MYCBP2: variants seen among roughly 807,000 people sequenced by gnomAD.
MYCBP2 encodes MYC binding protein 2.
MYCBP2 carries 120 observed loss-of-function variants against 525.3 expected under a neutral mutation model. That is an observed-to-expected ratio of 0.23 (90% CI 0.20 to 0.27). The LOEUF (loss-of-function observed/expected upper bound fraction) is 0.27. Among genes scored for constraint, MYCBP2 ranks in the 10% least tolerant of loss-of-function variants. The probability of loss-of-function intolerance (pLI) is 1.00; values close to 1 mark genes in which losing one functional copy is unlikely to be tolerated. For missense variants in MYCBP2, 4,149 were observed against 5,657.1 expected, an observed-to-expected ratio of 0.73 and a Z score of 8.55; for synonymous variants, 1,894 against 1,955.8, an observed-to-expected ratio of 0.97 and a Z score of 0.83.
intron 52 of MYCBP2, among the ~76,000 whole-genome samples, chr13:77,138,404 T>A (rs1006159954): frequency 1.3e-5 from 2 of 152,212 alleles, no homozygotes; most frequent in Admixed American, 1.3e-4. Flanking sequence ...AATGGTTTGA[T>A]ACAATAAGCT....
intron 32 of MYCBP2, among the ~76,000 whole-genome samples, chr13:77,184,384 A>G (rs1169426247): frequency 1.3e-5 from 2 of 152,220 alleles, no homozygotes; most frequent in Non-Finnish European, 2.9e-5. Context: ...ATTTATTAAG[A>G]CATTTTATGG....
At chr13:77,279,550 T>A (rs550961720) in intron 3 of MYCBP2, among the ~76,000 whole-genome samples, 2 of 152,282 alleles carry the variant, frequency 1.3e-5, no homozygotes, top group South Asian at 2.1e-4. Flanking sequence ...AATGTCAACA[T>A]TCTGAGAACC....
chr13:77,049,861 C>G (rs551887222), intron 82 of MYCBP2, among the ~76,000 whole-genome samples: 9 of 152,158 alleles, frequency 5.9e-5, no homozygotes, highest in Non-Finnish European at 1.2e-4. Context: ...GTCTCGTACT[C>G]CTGACCTCAA....
intron 55 of MYCBP2, among the ~76,000 whole-genome samples, chr13:77,102,123 G>A (rs1409614288): frequency 9.9e-5 from 15 of 151,430 alleles, no homozygotes. Flanking sequence ...TTCACTAAAT[G>A]ACCCATACAT....
chr13:77,184,639 T>A (rs1374969913), intron 32 of MYCBP2, among the ~76,000 whole-genome samples: 3 of 152,210 alleles, frequency 2.0e-5, no homozygotes, highest in Admixed American at 2.0e-4. Flanking sequence ...TGTAGTTCTG[T>A]CAGTGTTTTG....
intron 2 of MYCBP2, among the ~76,000 whole-genome samples, chr13:77,292,404 T>C (rs1222496153): frequency 6.6e-6 from 1 of 151,812 alleles, no homozygotes; most frequent in Non-Finnish European, 1.5e-5. Context: ...CCAAGAAAAC[T>C]GAACACACAC....
chr13:77,294,876 T>G (rs147100704), intron 2 of MYCBP2, among the ~76,000 whole-genome samples: 1 of 152,278 alleles, frequency 6.6e-6, no homozygotes, highest in East Asian at 1.9e-4. Flanking sequence ...ACCAGGGTGC[T>G]CACCCACTGC....
chr13:77,078,731 G>A (rs2042778707), intron 66 of MYCBP2, 93 bp downstream of exon 66: 2 of 972,530 alleles, frequency 2.1e-6, no homozygotes, highest in Non-Finnish European at 3.3e-6. Flanking sequence ...TAATACTTTG[G>A]TTGTGTGCCA....
At chr13:77,233,124 A>AT (rs781490304) in intron 18 of MYCBP2, 32 bp downstream of exon 18, 2 of 1,564,934 alleles carry the variant, frequency 1.3e-6, no homozygotes, top group African/African-American at 2.7e-5. Context: ...TTGGGAAAGT[A>AT]TCCCACCTAG....
rs1186456799 is a variant in MYCBP2, at chr13:77,045,088, T to G, written c.*290A>C. ...GGCATGGCGATTCTTTTATATCAAT[T>G]ATCTATAAATGTCCAATGCTTCACA... On this transcript the variant is annotated 3_prime_UTR_variant, in exon 83 of 83. Transcript: ENST00000544440. 1 of 416,024 alleles carries G rather than the reference T, an allele frequency of 2.4e-6. No individual in the cohort carries two copies. The highest frequency in any genetic ancestry group is 2.0e-5 in the African/African-American group (1 of 49,092). The allele number at this position is 416,024 out of a possible 1,614,324, so 25.8% of individuals were successfully genotyped here.
In MYCBP2 at chr13:77,064,693, A is replaced by T. The variant is rs1191981759; in HGVS notation, c.12594T>A (p.Ala4198=). 9 of 1,613,746 alleles carry T rather than the reference A, an allele frequency of 5.6e-6. No homozygotes were observed. In the African/African-American group the frequency reaches 6.7e-5, roughly 12 times the overall value. The part of the protein sequence containing the change: ...SEAWSRVTKN[A]IAETIIALTK... ...TCAAGGCAATGATGGTTTCTGCAATAGCATTTTTTGTCACTCGGGACCAAG... is the reference window on the plus strand; with the variant it reads ...TCAAGGCAATGATGGTTTCTGCAATTGCATTTTTTGTCACTCGGGACCAAG... Residue 4198 remains alanine (A), a synonymous_variant, in exon 73 of 83, where the codon GCT becomes GCA. Transcript: ENST00000544440.
chr13:77,249,259 C>T (rs1476730159), intron 15 of MYCBP2, among the ~76,000 whole-genome samples: 1 of 152,102 alleles, frequency 6.6e-6, no homozygotes, highest in Non-Finnish European at 1.5e-5. Flanking sequence ...AATGGTTAAG[C>T]TGGTCAATTT....
At chr13:77,212,656 T>A (rs762578222) in intron 21 of MYCBP2, among the ~76,000 whole-genome samples, 3 of 152,198 alleles carry the variant, frequency 2.0e-5, no homozygotes, top group Non-Finnish European at 4.4e-5. Flanking sequence ...ATATGTAATG[T>A]TGTTTTCACA....
intron 26 of MYCBP2, among the ~76,000 whole-genome samples, chr13:77,194,996 T>C (rs1200489093): frequency 6.7e-6 from 1 of 149,092 alleles, no homozygotes; most frequent in Non-Finnish European, 1.5e-5. Flanking sequence ...ATAAGAATTA[T>C]GAAGAAGAGG....
intron 26 of MYCBP2, 24 bp downstream of exon 26, chr13:77,205,232 G>T: frequency 6.6e-7 from 1 of 1,506,134 alleles, no homozygotes; most frequent in South Asian, 1.5e-5. Context: ...AACAAAAAAG[G>T]ACAACATTGT....
intron 3 of MYCBP2, among the ~76,000 whole-genome samples, chr13:77,279,574 T>A (rs2075979807): frequency 6.6e-6 from 1 of 152,186 alleles, no homozygotes; most frequent in African/African-American, 2.4e-5. Context: ...TCAAGAAGTA[T>A]TAATTAAATT....
chr13:77,153,461 T>C (rs565981697), intron 46 of MYCBP2, among the ~76,000 whole-genome samples: 7 of 152,352 alleles, frequency 4.6e-5, no homozygotes, highest in African/African-American at 1.7e-4. Flanking sequence ...CTCAAACATA[T>C]TTGATATTAA....
intron 52 of MYCBP2, among the ~76,000 whole-genome samples, chr13:77,130,616 T>C (rs909231441): frequency 6.6e-6 from 1 of 152,020 alleles, no homozygotes; most frequent in African/African-American, 2.4e-5. Flanking sequence ...TCTCTTTAGG[T>C]AAAGTGAAAA....
In MYCBP2 at chr13:77,126,552, T is replaced by G; in HGVS notation, c.7660-10A>C. The G allele has an allele frequency of 6.2e-7, 1 of 1,602,478 alleles. No individual in the cohort carries two copies. The highest frequency in any genetic ancestry group is 8.5e-7 in the Non-Finnish European group (1 of 1,172,338). ...TATTAGTTTTAGATTCCTGAAAATT[T>G]GAATAGGAAAGAAAAATAAACAAAA... On this transcript the variant is annotated splice_polypyrimidine_tract_variant and intron_variant, in intron 52 of 82. Transcript: ENST00000544440.
Sources: allele counts gnomAD v4.1 joint callset (sites outside exome capture counted in the v4.1 genomes callset), GRCh38; gene constraint gnomAD v4.1.1; transcripts MANE v1.5; gene names NCBI Gene and HGNC (gene_info 2026-07-23, HGNC 2026-07-21).